PRH1: variants seen among roughly 807,000 people sequenced by gnomAD.
The protein encoded by PRH1 is proline rich protein HaeIII subfamily 1.
In PRH1, 7 loss-of-function variants were observed where a neutral mutation model predicts 7.9. That is an observed-to-expected ratio of 0.89 (90% CI 0.50 to 1.67). The LOEUF (loss-of-function observed/expected upper bound fraction) is 1.67, where lower values mean the gene tolerates loss of function less well. PRH1 is among the 40% of genes most tolerant of loss of function. The probability of loss-of-function intolerance (pLI) is 0.00; values close to 1 mark genes in which losing one functional copy is unlikely to be tolerated. For missense variants in PRH1, 109 were observed against 223.6 expected, an observed-to-expected ratio of 0.49 and a Z score of 3.27; for synonymous variants, 45 against 80.8, an observed-to-expected ratio of 0.56 and a Z score of 2.38.
intron 2 of PRH1, among the ~76,000 whole-genome samples, chr12:10,954,234 A>C (rs1190751446): frequency 2.0e-5 from 3 of 152,166 alleles, no homozygotes; most frequent in Non-Finnish European, 2.9e-5. Flanking sequence ...TAACAACATA[A>C]TGAAAGGATC....
chr12:11,021,970 G>A, intron 1 of PRH1: 2 of 1,605,736 alleles, frequency 1.2e-6, no homozygotes, highest in Non-Finnish European at 8.5e-7. Context: ...TTTACAAAGA[G>A]AACAGATTAA....
chr12:11,123,050 T>C (rs562405381), intron 1 of PRH1, among the ~76,000 whole-genome samples: 1 of 152,296 alleles, frequency 6.6e-6, no homozygotes, highest in African/African-American at 2.4e-5. Flanking sequence ...CTCAATAGCT[T>C]CGTTTGGTCT....
intron 1 of PRH1, among the ~76,000 whole-genome samples, chr12:11,093,829 G>C (rs1423688086): frequency 1.8e-5 from 2 of 113,496 alleles, no homozygotes; most frequent in Admixed American, 1.8e-4. Flanking sequence ...ATTTGAGATG[G>C]CTTCCATACT....
chr12:11,100,834 T>G (rs1270947566), intron 1 of PRH1, among the ~76,000 whole-genome samples: 1 of 152,154 alleles, frequency 6.6e-6, no homozygotes, highest in African/African-American at 2.4e-5. Context: ...CTATGATTTT[T>G]TTCTCTAATG....
intron 1 of PRH1, among the ~76,000 whole-genome samples, chr12:11,011,481 A>G (rs1466761497): frequency 1.3e-5 from 2 of 152,138 alleles, no homozygotes; most frequent in African/African-American, 4.8e-5. Context: ...CTCATTTGCT[A>G]GCATGCAAAT....
At chr12:11,111,486 G>C (rs1307457573) in intron 1 of PRH1, among the ~76,000 whole-genome samples, 1 of 152,164 alleles carries the variant, frequency 6.6e-6, no homozygotes, top group Non-Finnish European at 1.5e-5. Flanking sequence ...TTAGAACTCA[G>C]GATTCAGAAA....
chr12:11,158,634 T>C (rs899859797), intron 1 of PRH1, among the ~76,000 whole-genome samples: 6 of 152,192 alleles, frequency 3.9e-5, no homozygotes, highest in African/African-American at 7.2e-5. Flanking sequence ...AAAATATGGT[T>C]AGTGAATATT....
At chr12:11,043,194 A>C (rs568983599) in intron 1 of PRH1, among the ~76,000 whole-genome samples, 1 of 152,340 alleles carries the variant, frequency 6.6e-6, no homozygotes, top group South Asian at 2.1e-4. Context: ...TAGGACAAGA[A>C]CCATATGATC....
chr12:10,969,075 G>A (rs1262474315), intron 2 of PRH1, among the ~76,000 whole-genome samples: 1 of 152,210 alleles, frequency 6.6e-6, no homozygotes, highest in African/African-American at 2.4e-5. Flanking sequence ...GTAAATGAGG[G>A]AGATTTTATT....
intron 1 of PRH1, among the ~76,000 whole-genome samples, chr12:11,033,974 A>C (rs1000618218): frequency 1.3e-5 from 2 of 150,292 alleles, no homozygotes; most frequent in African/African-American, 4.9e-5. Context: ...AAGTCCCTAA[A>C]CCCTTCTTCG....
chr12:11,039,009 T>C, intron 1 of PRH1, among the ~76,000 whole-genome samples: 1 of 152,308 alleles, frequency 6.6e-6, no homozygotes, highest in South Asian at 2.1e-4. Context: ...TTTGAAAAAA[T>C]ATAATTAGTT....
intron 1 of PRH1, among the ~76,000 whole-genome samples, chr12:11,012,682 G>A (rs1941116970): frequency 1.3e-5 from 2 of 152,024 alleles, no homozygotes; most frequent in African/African-American, 4.8e-5. Flanking sequence ...TCAGCTTCTG[G>A]AGTAGCTGTG....
At chr12:10,896,358 C>T (rs1195287147) in intron 2 of PRH1, among the ~76,000 whole-genome samples, 1 of 152,166 alleles carries the variant, frequency 6.6e-6, no homozygotes, top group Non-Finnish European at 1.5e-5. Context: ...TTATGATCAG[C>T]ATATTTCTTC....
At chr12:10,937,660 A>C (rs994282079) in intron 2 of PRH1, 1 of 152,190 alleles carries the variant, frequency 6.6e-6, no homozygotes, top group Non-Finnish European at 1.5e-5. Flanking sequence ...TAAAATGGAG[A>C]AGTAAAATAA....
upstream of PRH1, among the ~76,000 whole-genome samples, chr12:11,047,959 CAAT>C (rs986024650): frequency 1.4e-4 from 21 of 152,168 alleles, no homozygotes; most frequent in African/African-American, 4.3e-4. Context: ...TGGAAAACAA[CAAT>C]GATTTCCTGA....
rs138715487 is a variant in PRH1, at chr12:10,954,708, G to A, written c.-59+18947C>T. ...CTCAGGCTGGTCTCAAACTCCTGGG[G>A]TCAAGTGATCCACCCACCTCAGCCT... On this transcript the variant is annotated intron_variant, in intron 2 of 3. Transcript: ENST00000539853. 5.6e-3 allele frequency among the ~76,000 whole-genome samples: 851 copies of A among 152,154 alleles called. 4 individuals are homozygous for A. The highest frequency in any genetic ancestry group is 0.011 in the Admixed American group (164 of 15,284).
At chr12:11,016,594 G>A (rs1941306685) in intron 1 of PRH1, among the ~76,000 whole-genome samples, 1 of 152,066 alleles carries the variant, frequency 6.6e-6, no homozygotes, top group African/African-American at 2.4e-5. Flanking sequence ...TCCCACCTCC[G>A]CCTCCAAAAG....
At chr12:11,066,987 ACT>A (rs1397641920) in intron 1 of PRH1, among the ~76,000 whole-genome samples, 2 of 152,266 alleles carry the variant, frequency 1.3e-5, no homozygotes, top group South Asian at 2.1e-4. Flanking sequence ...ATAGAAAAAT[ACT>A]CTCTGCAATA....
At chr12:11,145,618 C>T (rs1204829653) in intron 1 of PRH1, among the ~76,000 whole-genome samples, 2 of 152,090 alleles carry the variant, frequency 1.3e-5, no homozygotes, top group African/African-American at 4.8e-5. Flanking sequence ...AAGGATTTCA[C>T]AGAAAAGGAA....
Sources: gnomAD v4.1 joint callset for allele counts (sites outside exome capture counted in the v4.1 genomes callset) on GRCh38, gnomAD v4.1.1 for gene constraint, MANE v1.5 for transcripts, NCBI Gene and HGNC (gene_info 2026-07-23, HGNC 2026-07-21) for gene names.